Variants in SIL1 observed in about 807,000 individuals in gnomAD.
SIL1 encodes nucleotide exchange factor SIL1.
In SIL1, 40 loss-of-function variants were observed where a neutral mutation model predicts 49.1. The observed-to-expected ratio is 0.81, with a 90% CI of 0.63 to 1.06. The LOEUF is 1.06. Among genes scored for constraint, SIL1 ranks in the 50% least tolerant of loss-of-function variants. The pLI is 0.00. For missense variants in SIL1, 500 were observed against 572.6 expected (o/e 0.87, Z 1.29); for synonymous variants, 253 against 250.8 (o/e 1.01, Z -0.08).
At chr5:138,962,679 A>G (rs1767046287) in intron 7 of SIL1, among the ~76,000 whole-genome samples, 1 of 152,220 alleles carries the variant, frequency 6.6e-6, no homozygotes, top group African/African-American at 2.4e-5. Context: ...GCTTCTCAGA[A>G]GGGAGAGGAG....
chr5:139,033,578 CT>C (rs377237047), intron 5 of SIL1, among the ~76,000 whole-genome samples: 47 of 147,262 alleles, frequency 3.2e-4, no homozygotes, highest in Admixed American at 4.8e-4. Context: ...TTCAATGTAT[CT>C]TTTTTTTTTA....
At chr5:139,173,591 A>G (rs1444197652) in intron 1 of SIL1, among the ~76,000 whole-genome samples, 1 of 151,656 alleles carries the variant, frequency 6.6e-6, no homozygotes, top group Non-Finnish European at 1.5e-5. Context: ...TAAAACTTAC[A>G]CGGGACACAG....
intron 3 of SIL1, among the ~76,000 whole-genome samples, chr5:139,089,868 G>A (rs907327836): frequency 3.3e-5 from 5 of 152,182 alleles, no homozygotes; most frequent in South Asian, 2.1e-4. Context: ...AAATGTTTTC[G>A]GATTAAATAG....
At chr5:139,039,117 A>G (rs1327677347) in intron 5 of SIL1, among the ~76,000 whole-genome samples, 5 of 152,184 alleles carry the variant, frequency 3.3e-5, no homozygotes, top group Non-Finnish European at 5.9e-5. Flanking sequence ...TGGGCAGAGG[A>G]TGAAAAGTCA....
chr5:139,078,843 C>T (rs1377552873), intron 3 of SIL1, among the ~76,000 whole-genome samples: 1 of 152,192 alleles, frequency 6.6e-6, no homozygotes, highest in African/African-American at 2.4e-5. Flanking sequence ...ACTGTGTTTC[C>T]ACATCAGCAG....
intron 9 of SIL1, among the ~76,000 whole-genome samples, chr5:138,950,259 C>G (rs1460576886): frequency 6.6e-6 from 1 of 152,232 alleles, no homozygotes; most frequent in African/African-American, 2.4e-5. Context: ...TGTGCCCAGG[C>G]CTTATCAATT....
At chr5:139,013,185 T>C (rs567171040) in intron 7 of SIL1, among the ~76,000 whole-genome samples, 208 of 152,310 alleles carry the variant, frequency 1.4e-3, no homozygotes, top group African/African-American at 4.8e-3. Flanking sequence ...TTCCCTTAAA[T>C]TGGACATCAG....
At chr5:139,096,801 A>G (rs1414312883) in intron 3 of SIL1, among the ~76,000 whole-genome samples, 2 of 151,910 alleles carry the variant, frequency 1.3e-5, no homozygotes, top group African/African-American at 4.8e-5. Flanking sequence ...ATAACCAGCA[A>G]TGATGCCCAG....
chr5:139,012,949 G>A (rs933890224), intron 7 of SIL1, among the ~76,000 whole-genome samples: 1 of 152,200 alleles, frequency 6.6e-6, no homozygotes, highest in Non-Finnish European at 1.5e-5. Flanking sequence ...AGCAAGATCT[G>A]TCTCAAAAAA....
rs758901656 is a variant in SIL1 at position 139,127,930 on chromosome 5, C to T, written c.-10-77G>A. The T allele has an allele frequency of 4.0e-5, 35 of 886,020 alleles. No homozygotes were observed. The South Asian group carries it at 4.1e-4, about 10-fold the overall frequency. 54.9% of individuals were successfully genotyped at this position (886,020 alleles called of 1,614,324 possible). On this transcript the variant is annotated intron_variant, in intron 1 of 9. Transcript: ENST00000394817. ...TTCCCCCGCACTGTGATTCCCATGT[C>T]GTCACTTGCTCACATGTCAGACATT...
chr5:139,100,608 A>G (rs1581099922), intron 3 of SIL1, among the ~76,000 whole-genome samples: 1 of 152,354 alleles, frequency 6.6e-6, no homozygotes, highest in East Asian at 1.9e-4. Flanking sequence ...TTAGATGTCT[A>G]TTCAATAATC....
chr5:138,949,020 T>A (rs1384922903), intron 9 of SIL1, among the ~76,000 whole-genome samples: 1 of 152,152 alleles, frequency 6.6e-6, no homozygotes, highest in Non-Finnish European at 1.5e-5. Context: ...TATTATCCAG[T>A]CCCGGGTATT....
intron 1 of SIL1, among the ~76,000 whole-genome samples, chr5:139,158,393 T>TC (rs1479661895): frequency 6.6e-6 from 1 of 152,244 alleles, no homozygotes; most frequent in African/African-American, 2.4e-5. Flanking sequence ...TTTCTTCCAT[T>TC]CCTGCATCCT....
chr5:138,992,385 T>G (rs1345433040), intron 7 of SIL1, among the ~76,000 whole-genome samples: 1 of 152,208 alleles, frequency 6.6e-6, no homozygotes, highest in Non-Finnish European at 1.5e-5. Flanking sequence ...GTTAACTGCA[T>G]GCTCTTGGGT....
chr5:139,054,360 T>C (rs1255140280), intron 3 of SIL1, among the ~76,000 whole-genome samples: 6 of 152,210 alleles, frequency 3.9e-5, no homozygotes, highest in Non-Finnish European at 4.4e-5. Context: ...CAATGGGCTA[T>C]GATCATGCCA....
At chr5:138,952,664 A>G (rs912724561) in intron 7 of SIL1, among the ~76,000 whole-genome samples, 4 of 152,258 alleles carry the variant, frequency 2.6e-5, no homozygotes, top group Admixed American at 2.6e-4. Context: ...CAATAGATAA[A>G]CATACTGCAC....
At chr5:139,075,031 G>A (rs745603164) in intron 3 of SIL1, among the ~76,000 whole-genome samples, 5 of 152,110 alleles carry the variant, frequency 3.3e-5, no homozygotes, top group Non-Finnish European at 5.9e-5. Context: ...CACCATGTTT[G>A]CCAGGCTGGT....
chr5:139,102,190 A>G (rs1770602152), intron 3 of SIL1, among the ~76,000 whole-genome samples: 1 of 152,240 alleles, frequency 6.6e-6, no homozygotes, highest in Non-Finnish European at 1.5e-5. Context: ...GAATATATTA[A>G]AGAACAGCAC....
At chr5:139,197,268 CAAAAAAAAAAAA>C (rs11363617) in intron 1 of SIL1, among the ~76,000 whole-genome samples, 1 of 58,830 alleles carries the variant, frequency 1.7e-5, no homozygotes, top group Non-Finnish European at 3.1e-5. Context: ...AACTCCGCCT[CAAAAAAAAAAAA>C]AAAAAAAAAA....
Sources: gnomAD v4.1 joint callset for allele counts (sites outside exome capture counted in the v4.1 genomes callset) on GRCh38, gnomAD v4.1.1 for gene constraint, MANE v1.5 for transcripts, NCBI Gene and HGNC (gene_info 2026-07-23, HGNC 2026-07-21) for gene names.